DPP10: variants seen among roughly 807,000 people sequenced by gnomAD.
DPP10 encodes the protein inactive dipeptidyl peptidase 10.
DPP10 carries 33 observed loss-of-function variants against 120.9 expected under a neutral mutation model. The ratio of observed to expected loss-of-function variants is 0.27; its 90% CI spans 0.21 to 0.37. DPP10 has a LOEUF of 0.37. Among genes scored for constraint, DPP10 ranks in the 10% least tolerant of loss-of-function variants. DPP10 has a pLI of 1.00. For synonymous variants in DPP10, 337 were observed against 326.1 expected, an observed-to-expected ratio of 1.03 and a Z score of -0.36; for missense variants, 816 against 942.8, an observed-to-expected ratio of 0.87 and a Z score of 1.76.
intron 8 of DPP10, among the ~76,000 whole-genome samples, chr2:115,735,960 CAT>C (rs2149675600): frequency 6.6e-6 from 1 of 152,188 alleles, no homozygotes; most frequent in African/African-American, 2.4e-5. Flanking sequence ...GCACAGCAAA[CAT>C]ATTTTTATTT....
intron 1 of DPP10, among the ~76,000 whole-genome samples, chr2:115,177,762 T>TTTTGTTTGTTTGTTTG (rs57710013): frequency 0.016 from 2,429 of 150,824 alleles, 51 homozygotes; most frequent in African/African-American, 0.056. Context: ...TTGTTTTTGT[T>TTTTGTTTGTTTGTTTG]TTTGTTTGTT....
intron 1 of DPP10, among the ~76,000 whole-genome samples, chr2:114,537,481 G>A (rs145425278): frequency 3.3e-4 from 51 of 152,254 alleles, no homozygotes; most frequent in Non-Finnish European, 5.6e-4. Flanking sequence ...GCCACACCAC[G>A]TATCAAATAG....
chr2:114,675,469 G>T (rs1027857727), intron 1 of DPP10, among the ~76,000 whole-genome samples: 4 of 152,118 alleles, frequency 2.6e-5, no homozygotes, highest in African/African-American at 9.7e-5. Flanking sequence ...TAATAAACAC[G>T]TGGGTAAAAA....
chr2:114,732,779 A>C (rs1019514986), intron 1 of DPP10, among the ~76,000 whole-genome samples: 8 of 152,330 alleles, frequency 5.3e-5, no homozygotes, highest in African/African-American at 1.9e-4. Context: ...ACTATATGCC[A>C]AGCATTTTAC....
intron 1 of DPP10, among the ~76,000 whole-genome samples, chr2:115,192,368 A>G (rs1161210307): frequency 6.6e-6 from 1 of 152,200 alleles, no homozygotes; most frequent in African/African-American, 2.4e-5. Flanking sequence ...TCCTTCCCCC[A>G]AGGGGTAATC....
chr2:115,133,115 A>ATG (rs1242932823), intron 1 of DPP10, among the ~76,000 whole-genome samples: 3,924 of 73,834 alleles, frequency 0.053, 256 homozygotes, highest in East Asian at 0.15. Flanking sequence ...ATGTATATGT[A>ATG]TGTGTGTGTG....
chr2:115,015,869 A>T (rs940684866), intron 1 of DPP10, among the ~76,000 whole-genome samples: 5 of 152,206 alleles, frequency 3.3e-5, no homozygotes, highest in African/African-American at 9.6e-5. Context: ...CAAATGGAAC[A>T]ACATTCCATG....
At chr2:115,766,914 C>G (rs1475736512) in intron 12 of DPP10, among the ~76,000 whole-genome samples, 1 of 152,136 alleles carries the variant, frequency 6.6e-6, no homozygotes, top group East Asian at 1.9e-4. Context: ...AGGACTCACC[C>G]CCGTGATCCA....
At chr2:115,599,931 G>A (rs2149209960) in intron 5 of DPP10, among the ~76,000 whole-genome samples, 1 of 152,154 alleles carries the variant, frequency 6.6e-6, no homozygotes, top group East Asian at 1.9e-4. Flanking sequence ...AATGGTCCCA[G>A]TGGTCAACCA....
chr2:115,740,276 T>C (rs1051905728), intron 9 of DPP10, among the ~76,000 whole-genome samples: 5 of 152,050 alleles, frequency 3.3e-5, no homozygotes, highest in African/African-American at 9.7e-5. Context: ...GTCAAATACA[T>C]TGGAAGTTCT....
intron 1 of DPP10, among the ~76,000 whole-genome samples, chr2:115,101,213 A>G (rs2048678604): frequency 6.6e-6 from 1 of 152,150 alleles, no homozygotes; most frequent in African/African-American, 2.4e-5. Flanking sequence ...GCTCAATCCC[A>G]GGTGTGCAAT....
chr2:115,056,161 C>A (rs960455917), intron 1 of DPP10, among the ~76,000 whole-genome samples: 8 of 152,028 alleles, frequency 5.3e-5, no homozygotes, highest in Non-Finnish European at 8.8e-5. Context: ...TGCATACATA[C>A]GGATCCTTAA....
At chr2:114,739,115 A>G (rs1677766431) in intron 1 of DPP10, among the ~76,000 whole-genome samples, 1 of 152,114 alleles carries the variant, frequency 6.6e-6, no homozygotes, top group Non-Finnish European at 1.5e-5. Flanking sequence ...TTTTTGTCAC[A>G]TTTGCTAAAT....
intron 1 of DPP10, among the ~76,000 whole-genome samples, chr2:115,220,973 C>A: frequency 6.6e-6 from 1 of 150,976 alleles, no homozygotes. Flanking sequence ...GTGGCGAAGC[C>A]AAAATGGTAA....
At chr2:115,789,372 C>A (rs888241038) in intron 17 of DPP10, among the ~76,000 whole-genome samples, 3 of 152,170 alleles carry the variant, frequency 2.0e-5, no homozygotes, top group Admixed American at 6.5e-5. Context: ...ATTACACTGA[C>A]ACCTCAAAGG....
At chr2:115,407,475 C>T (rs1032816259) in intron 3 of DPP10, among the ~76,000 whole-genome samples, 9 of 152,138 alleles carry the variant, frequency 5.9e-5, no homozygotes, top group African/African-American at 9.7e-5. Flanking sequence ...CCAATCTAAG[C>T]GTTCCTGGCA....
At chr2:114,985,754 T>C (rs1700355227) in intron 1 of DPP10, among the ~76,000 whole-genome samples, 1 of 152,198 alleles carries the variant, frequency 6.6e-6, no homozygotes, top group Non-Finnish European at 1.5e-5. Context: ...TAGTAAAAGA[T>C]TGACTGTTCC....
At chr2:114,917,355 G>A (rs555772402) in intron 1 of DPP10, among the ~76,000 whole-genome samples, 1 of 152,236 alleles carries the variant, frequency 6.6e-6, no homozygotes, top group East Asian at 1.9e-4. Context: ...CCATGCTCAT[G>A]GATAGGAGTC....
intron 5 of DPP10, among the ~76,000 whole-genome samples, chr2:115,653,851 A>G (rs1301378981): frequency 6.6e-6 from 1 of 151,838 alleles, no homozygotes; most frequent in Non-Finnish European, 1.5e-5. Flanking sequence ...TGAGTATTTT[A>G]TTTAATTCTT....
Sources: gnomAD v4.1 joint callset for allele counts (sites outside exome capture counted in the v4.1 genomes callset) on GRCh38, gnomAD v4.1.1 for gene constraint, MANE v1.5 for transcripts, NCBI Gene and HGNC (gene_info 2026-07-23, HGNC 2026-07-21) for gene names.